The following VASH1 variants were observed in gnomAD, a reference collection of about 807,000 sequenced individuals.
VASH1 encodes the protein vasohibin 1.
VASH1 carries 16 observed loss-of-function variants against 35.0 expected under a neutral mutation model. The ratio of observed to expected loss-of-function variants is 0.46; its 90% CI spans 0.31 to 0.70. The LOEUF (loss-of-function observed/expected upper bound fraction) is 0.70, where lower values mean the gene tolerates loss of function less well. Ranked by LOEUF, VASH1 falls within the 30% of genes least tolerant of loss-of-function variation. VASH1 has a pLI of 0.05. For synonymous variants in VASH1, 214 were observed against 200.9 expected, an observed-to-expected ratio of 1.07 and a Z score of -0.55; for missense variants, 505 against 510.7, an observed-to-expected ratio of 0.99 and a Z score of 0.11.
rs1894137772 is a variant in VASH1, at chr14:76,782,473, C to T, written c.*3455C>T. ...GAATGTGTGCACCTGCTTTTCCTGC[C>T]TGGAATGTTTTCTGGCTCAGCTGCA... On this transcript the variant is annotated 3_prime_UTR_variant, in exon 7 of 7. Coordinates refer to ENST00000167106, the MANE Select transcript of VASH1 (RefSeq NM_014909.5). 1 of 152,290 alleles carries T rather than the reference C, an allele frequency of 6.6e-6. No homozygotes were observed. The highest frequency in any genetic ancestry group is 6.5e-5 in the Admixed American group (1 of 15,284). The allele number at this position is 152,290 out of a possible 1,614,324, so 9.4% of individuals were successfully genotyped here. A position where few individuals can be genotyped will look rare whatever the true frequency, so the allele number is the denominator to read the frequency against.
chr14:76,771,824 C>T (rs952531468), intron 3 of VASH1, among the ~76,000 whole-genome samples: 2 of 152,216 alleles, frequency 1.3e-5, no homozygotes, highest in Non-Finnish European at 2.9e-5. Context: ...GGATTCACTT[C>T]CCCTGGAAAG....
chr14:76,767,439 A>G (rs1182421249), intron 1 of VASH1, among the ~76,000 whole-genome samples: 1 of 152,070 alleles, frequency 6.6e-6, no homozygotes, highest in Non-Finnish European at 1.5e-5. Context: ...TTCGATTGAA[A>G]TAGACCCCTC....
chr14:76,779,186 C>T lies in VASH1; in HGVS notation c.*168C>T. ...CCAAGCTGCTCTCGCTCCCACTGAG[C>T]CAAGCCCCCTAACTTTGGGCCTAGA... On this transcript the variant is annotated 3_prime_UTR_variant, in exon 7 of 7. Transcript: ENST00000167106. 2 of 757,212 alleles carry T rather than the reference C, an allele frequency of 2.6e-6. No individual in the cohort carries two copies. The highest frequency in any genetic ancestry group is 2.3e-6 in the Non-Finnish European group (1 of 442,498). The allele number at this position is 757,212 out of a possible 1,614,324, so 46.9% of individuals were successfully genotyped here.
chr14:76,772,505 G>A (rs1363849431), intron 3 of VASH1, among the ~76,000 whole-genome samples: 1 of 152,226 alleles, frequency 6.6e-6, no homozygotes, highest in African/African-American at 2.4e-5. Flanking sequence ...CCTGGGCAAA[G>A]CCAGTGACCA....
chr14:76,769,975 A>G lies in VASH1; in HGVS notation c.322A>G (p.Ser108Gly). The G allele has an allele frequency of 6.2e-7, 1 of 1,613,958 alleles. No individual in the cohort carries two copies. Among genetic ancestry groups the G allele is most frequent in the Non-Finnish European group, 8.5e-7 (1 of 1,179,896 alleles). The stretch of plus-strand genomic sequence containing the variant: ...TCTCTGTCCCCAGATCCCCATACCG[A>G]GTGTGCCTACGTTCCAGCCGTCTAC... ...ATDLPKIPIP[S>G]VPTFQPSTPV... The change falls in exon 2 of 7, where the codon AGT (serine) becomes GGT (glycine). Residue 108 changes from serine (S) to glycine (G), a missense_variant. By Grantham distance (56) the Ser-to-Gly change is moderately conservative. Coordinates refer to ENST00000167106, the MANE Select transcript of VASH1 (RefSeq NM_014909.5).
intron 1 of VASH1, 21 bp from the exon 2 acceptor site, chr14:76,769,942 G>T (rs1893745924): frequency 5.0e-6 from 8 of 1,612,068 alleles, no homozygotes; most frequent in Non-Finnish European, 5.9e-6. Context: ...CTTGTGACCG[G>T]AGCTCTTTCT....
At position 76,762,714 on chromosome 14, in the gene VASH1, A is replaced by C; in HGVS notation, c.-108A>C. On this transcript the variant is annotated 5_prime_UTR_variant, in exon 1 of 7. Transcript: ENST00000167106. Reference sequence around the variant, plus strand: ...ACAGGAGCCACGCCCTGATTTCTTAAAGGCGCCTTGCACTCTGGCCATGTG... The same window carrying C: ...ACAGGAGCCACGCCCTGATTTCTTACAGGCGCCTTGCACTCTGGCCATGTG... 9.8e-7 allele frequency: 1 copy of C among 1,021,722 alleles called. No homozygotes were observed. Among genetic ancestry groups the C allele is most frequent in the Non-Finnish European group, 1.3e-6 (1 of 744,146 alleles). The allele number at this position is 1,021,722 out of a possible 1,614,324, so 63.3% of individuals were successfully genotyped here. A position where few individuals can be genotyped will look rare whatever the true frequency, so the allele number is the denominator to read the frequency against.
Position 76,770,128 on chromosome 14 carries a change from G to A in VASH1, c.398+77G>A. The A allele has an allele frequency of 3.6e-6, 5 of 1,396,430 alleles. No individual in the cohort carries two copies. The South Asian group carries it at 4.8e-5, about 13-fold the overall frequency. 86.5% of individuals were successfully genotyped at this position (1,396,430 alleles called of 1,614,324 possible). A position where few individuals can be genotyped will look rare whatever the true frequency, so the allele number is the denominator to read the frequency against. Reference sequence around the variant, plus strand: ...CTTGTTTCCAGGCAGAGCTGGAGAGGTATCAGCAGAGCCGCCTCATTCCAC... The same window carrying A: ...CTTGTTTCCAGGCAGAGCTGGAGAGATATCAGCAGAGCCGCCTCATTCCAC... On this transcript the variant is annotated intron_variant, in intron 2 of 6. Transcript: ENST00000167106.
chr14:76,768,548 C>G (rs1209558555), intron 1 of VASH1, among the ~76,000 whole-genome samples: 1 of 152,174 alleles, frequency 6.6e-6, no homozygotes, highest in African/African-American at 2.4e-5. Context: ...CAGACACTGT[C>G]CCGTGTGCCT....
intron 6 of VASH1, 119 bp downstream of exon 6, chr14:76,778,190 C>T: frequency 1.4e-6 from 1 of 728,024 alleles, no homozygotes; most frequent in African/African-American, 1.9e-5. Flanking sequence ...CGCTCCCACC[C>T]AAGGGAGGTG....
chr14:76,771,726 G>A (rs1481988900), intron 3 of VASH1, among the ~76,000 whole-genome samples: 2 of 152,156 alleles, frequency 1.3e-5, no homozygotes, highest in Non-Finnish European at 2.9e-5. Context: ...TGAGTAGCAG[G>A]CTCAGGGTCT....
chr14:76,776,384 G>A, intron 5 of VASH1, 111 bp downstream of exon 5: 3 of 1,373,718 alleles, frequency 2.2e-6, no homozygotes, highest in Non-Finnish European at 9.6e-7. Context: ...CTGGGGTGCT[G>A]GGACCTTGCT....
chr14:76,772,070 T>C (rs377722683), intron 3 of VASH1, among the ~76,000 whole-genome samples: 12 of 152,020 alleles, frequency 7.9e-5, no homozygotes, highest in East Asian at 5.8e-4. Flanking sequence ...TGAAACCCCA[T>C]CTCTACTAAA....
intron 1 of VASH1, among the ~76,000 whole-genome samples, chr14:76,768,050 C>T (rs1893689948): frequency 2.0e-5 from 3 of 152,230 alleles, no homozygotes; most frequent in African/African-American, 7.2e-5. Context: ...GTCACTGGAT[C>T]CCCACTTGTG....
intron 5 of VASH1, among the ~76,000 whole-genome samples, chr14:76,776,549 C>T (rs1420882640): frequency 6.6e-6 from 1 of 152,122 alleles, no homozygotes; most frequent in African/African-American, 2.4e-5. Flanking sequence ...AGGGTGTGAT[C>T]GGGTGCTGTG....
At chr14:76,775,787 C>A in intron 4 of VASH1, 105 bp from the exon 5 acceptor site, 1 of 1,449,902 alleles carries the variant, frequency 6.9e-7, no homozygotes, top group Non-Finnish European at 9.1e-7. Context: ...GTGTCTGCAC[C>A]CCAAGGCTGG....
Position 76,782,016 on chromosome 14 carries a change from G to A in VASH1, c.*2998G>A, listed in dbSNP as rs1894123153. On this transcript the variant is annotated 3_prime_UTR_variant, in exon 7 of 7. Transcript: ENST00000167106. ...CTGGAGGTGGGGGCTGCTGGCTGAG[G>A]AGGGGTCAAGGTGAGTTCAAGAAAG... The A allele has an allele frequency of 6.6e-6, 1 of 152,526 alleles. No individual in the cohort carries two copies. The highest frequency in any genetic ancestry group is 1.5e-5 in the Non-Finnish European group (1 of 68,320). 9.4% of individuals were successfully genotyped at this position (152,526 alleles called of 1,614,324 possible). A position where few individuals can be genotyped will look rare whatever the true frequency, so the allele number is the denominator to read the frequency against.
chr14:76,774,242 G>T (rs746674757), intron 4 of VASH1: 39 of 152,224 alleles, frequency 2.6e-4, no homozygotes, highest in African/African-American at 9.2e-4. Context: ...TTCTCTTCCC[G>T]CAGAGGTCTC....
In VASH1 at chr14:76,761,793, GC is replaced by G. The variant is rs1179519583; in HGVS notation, c.-1028del. Among the ~76,000 whole-genome samples the G allele has an allele frequency of 6.6e-6, 1 of 151,860 alleles. No individual in the cohort carries two copies. The highest frequency in any genetic ancestry group is 1.5e-5 in the Non-Finnish European group (1 of 67,914). On this transcript the variant is annotated 5_prime_UTR_variant, in exon 1 of 7. Coordinates refer to ENST00000167106, the MANE Select transcript of VASH1 (RefSeq NM_014909.5). The stretch of plus-strand genomic sequence containing the variant: ...TGCAGCCCGAGCGAACAGCCACGGA[GC>G]ATCCTCCGCCCGCCCGGGCCGCGCC...
Sources: allele counts gnomAD v4.1 joint callset (sites outside exome capture counted in the v4.1 genomes callset), GRCh38; gene constraint gnomAD v4.1.1; transcripts MANE v1.5; gene names NCBI Gene and HGNC (gene_info 2026-07-23, HGNC 2026-07-21).